Variants in GEMIN7 observed in about 807,000 individuals in gnomAD.
The protein encoded by GEMIN7 is gem nuclear organelle associated protein 7.
GEMIN7 carries 7 observed loss-of-function variants against 7.8 expected under a neutral mutation model. That is an observed-to-expected ratio of 0.90 (90% CI 0.51 to 1.69). The LOEUF (loss-of-function observed/expected upper bound fraction) is 1.69, where lower values mean the gene tolerates loss of function less well. Ranked by LOEUF, GEMIN7 falls within the 40% of genes most tolerant of loss-of-function variation. GEMIN7 has a pLI of 0.00. For missense variants in GEMIN7, 159 were observed against 176.2 expected (o/e 0.90, Z 0.55); for synonymous variants, 68 against 72.4 (o/e 0.94, Z 0.31).
At chr19:45,077,090 G>A (rs1967370107), upstream of GEMIN7, among the ~76,000 whole-genome samples, 1 of 152,184 alleles carries the variant, frequency 6.6e-6, no homozygotes, top group South Asian at 2.1e-4. Context: ...GCATGGTGGA[G>A]CTGAGGCTGG....
chr19:45,082,912 C>T (rs909450178), intron 2 of GEMIN7, among the ~76,000 whole-genome samples: 10 of 151,944 alleles, frequency 6.6e-5, no homozygotes, highest in Non-Finnish European at 1.3e-4. Context: ...TGAGCCACCG[C>T]ACCTGGCTAG....
Position 45,090,416 on chromosome 19 carries a change from A to G in GEMIN7, c.302A>G (p.Asn101Ser). The G allele has an allele frequency of 6.2e-7, 1 of 1,614,144 alleles. No individual in the cohort carries two copies. The part of the protein sequence containing the change: ...HFGATDLDVA[N>S]FYVSQLQTPI... ...GGAGCCACCGACCTGGATGTGGCCA[A>G]CTTCTACGTGTCACAGCTGCAGACT... Residue 101 changes from asparagine (N) to serine (S), a missense_variant, in exon 3 of 3, where the codon AAC (asparagine) becomes AGC (serine). Coordinates refer to ENST00000270257, the MANE Select transcript of GEMIN7 (RefSeq NM_024707.3).
Position 45,090,441 on chromosome 19 carries a change from T to G in GEMIN7, c.327T>G (p.Thr109=). 6.2e-7 allele frequency: 1 copy of G among 1,613,994 alleles called. No homozygotes were observed. The highest frequency in any genetic ancestry group is 2.2e-5 in the East Asian group (1 of 44,882). The part of the protein sequence containing the change: ...VANFYVSQLQ[T]PIGVQAEALL... ...ACTTCTACGTGTCACAGCTGCAGAC[T>G]CCCATAGGTGTGCAAGCAGAGGCGC... The change falls in exon 3 of 3, where the codon ACT becomes ACG. Residue 109 remains threonine, a synonymous_variant. Transcript: ENST00000270257.
chr19:45,084,974 T>A (rs1027208913), intron 2 of GEMIN7, among the ~76,000 whole-genome samples: 2 of 152,240 alleles, frequency 1.3e-5, no homozygotes, highest in African/African-American at 4.8e-5. Flanking sequence ...GGTCTCTCCA[T>A]GTTGGTCAGG....
intron 2 of GEMIN7, among the ~76,000 whole-genome samples, chr19:45,081,022 T>C (rs1967487361): frequency 6.6e-6 from 1 of 152,022 alleles, no homozygotes; most frequent in African/African-American, 2.4e-5. Flanking sequence ...AAAATGCAAG[T>C]AGGGCGTGTT....
upstream of GEMIN7, chr19:45,076,699 G>A (rs1312661394): frequency 1.6e-5 from 4 of 247,706 alleles, no homozygotes; most frequent in Non-Finnish European, 3.1e-5. The surrounding 1 kb of genome is among the most constrained non-coding windows in gnomAD (Gnocchi z 4.9). Context: ...GTTTTAGGGC[G>A]GGTGAAACTG....
At chr19:45,076,402 G>T, upstream of GEMIN7, 1 of 1,237,876 alleles carries the variant, frequency 8.1e-7, no homozygotes, top group Admixed American at 4.2e-5. The surrounding 1 kb of genome is among the most constrained non-coding windows in gnomAD (Gnocchi z 4.9). Flanking sequence ...GCGAGCGGGC[G>T]GGCAGGCAGG....
chr19:45,076,151 C>A (rs761425770), upstream of GEMIN7: 3 of 1,545,178 alleles, frequency 1.9e-6, no homozygotes, highest in Non-Finnish European at 1.7e-6. The surrounding 1 kb of genome is among the most constrained non-coding windows in gnomAD (Gnocchi z 4.9). Context: ...GCGGCCCCGG[C>A]GGGCATGGGG....
upstream of GEMIN7, chr19:45,076,314 G>T (rs773682753): frequency 7.0e-7 from 1 of 1,422,716 alleles, no homozygotes; most frequent in South Asian, 1.6e-5. This position sits in a 1 kb window ranked among gnomAD's most constrained non-coding sequence, Gnocchi z 4.9. Flanking sequence ...CGTCGTCTGG[G>T]TTGGCGGCGG....
In GEMIN7 at chr19:45,090,525, C is replaced by G. The variant is rs751327037; in HGVS notation, c.*15C>G. The stretch of plus-strand genomic sequence containing the variant: ...TCAAGCCATAAAGATATTGTGTTCA[C>G]TTTTCTGCTTGAGGCTAAGGCACTG... On this transcript the variant is annotated 3_prime_UTR_variant, in exon 3 of 3. Coordinates refer to ENST00000270257, the MANE Select transcript of GEMIN7 (RefSeq NM_024707.3). 3.8e-6 allele frequency: 6 copies of G among 1,592,556 alleles called. No homozygotes were observed. Among genetic ancestry groups the G allele is most frequent in the South Asian group, 1.1e-5 (1 of 89,408 alleles).
chr19:45,075,814 C>T (rs1027950105), upstream of GEMIN7: 6 of 1,613,938 alleles, frequency 3.7e-6, no homozygotes, highest in African/African-American at 1.3e-5. Flanking sequence ...CTGCAGGCAG[C>T]GGCCGCAGGT....
chr19:45,090,307 C>T lies in GEMIN7; in HGVS notation c.193C>T (p.Arg65Cys), dbSNP rs977717051. 1.9e-6 allele frequency: 3 copies of T among 1,614,170 alleles called. No homozygotes were observed. Among genetic ancestry groups the T allele is most frequent in the Non-Finnish European group, 2.5e-6 (3 of 1,180,036 alleles). ...GCGGGCACGAGCCGCCCTTCGGGAG[C>T]GTTACCTCCGCAGCCTGCTGGCCAT... ...EQRARAALRE[R>C]YLRSLLAMVG... is the part of the protein sequence containing the mutation. Residue 65 changes from arginine to cysteine, a missense_variant, in exon 3 of 3, where the codon CGT (arginine) becomes TGT (cysteine). Physicochemically the swap from Arg to Cys is radical, Grantham distance 180. Coordinates refer to ENST00000270257, the MANE Select transcript of GEMIN7 (RefSeq NM_024707.3).
At chr19:45,076,071 C>T (rs759262096), upstream of GEMIN7, 128 of 1,581,346 alleles carry the variant, frequency 8.1e-5, no homozygotes, top group Middle Eastern at 2.1e-4. This position sits in a 1 kb window ranked among gnomAD's most constrained non-coding sequence, Gnocchi z 4.9. Flanking sequence ...GCCCGGGGTG[C>T]TCACCGGGAT....
intron 2 of GEMIN7, 39 bp from the exon 3 acceptor site, chr19:45,090,068 C>T: frequency 6.4e-7 from 1 of 1,569,446 alleles, no homozygotes; most frequent in Non-Finnish European, 8.7e-7. Flanking sequence ...CCCATGCTTA[C>T]CATGTAATGA....
intron 2 of GEMIN7, among the ~76,000 whole-genome samples, chr19:45,087,778 C>T (rs75277113): frequency 0.011 from 1,707 of 151,834 alleles, 34 homozygotes; most frequent in African/African-American, 0.037. Flanking sequence ...GGGGTGCAGA[C>T]GGCGGGGGGT....
intron 2 of GEMIN7, among the ~76,000 whole-genome samples, chr19:45,086,857 GT>G (rs1046790965): frequency 7.9e-5 from 12 of 152,010 alleles, no homozygotes; most frequent in Non-Finnish European, 1.8e-4. Flanking sequence ...TTGTTTGTTT[GT>G]TTTTTTCGAG....
chr19:45,085,899 G>A (rs1454812096), intron 2 of GEMIN7, among the ~76,000 whole-genome samples: 3 of 120,998 alleles, frequency 2.5e-5, no homozygotes, highest in Non-Finnish European at 4.9e-5. Context: ...ACGGAGTCTC[G>A]CTCTGTCGCC....
chr19:45,082,736 G>A (rs1045245146), intron 2 of GEMIN7, among the ~76,000 whole-genome samples: 3 of 151,336 alleles, frequency 2.0e-5, no homozygotes, highest in African/African-American at 7.3e-5. Flanking sequence ...CCCTCACCTC[G>A]GTCTCCTTAG....
chr19:45,082,673 C>T (rs1197533246), intron 2 of GEMIN7, among the ~76,000 whole-genome samples: 1 of 151,924 alleles, frequency 6.6e-6, no homozygotes, highest in Non-Finnish European at 1.5e-5. Flanking sequence ...GGCTGGAGTA[C>T]AGTGGCACAG....
Sources: gnomAD v4.1 joint callset for allele counts (sites outside exome capture counted in the v4.1 genomes callset) on GRCh38, gnomAD v4.1.1 for gene constraint, Gnocchi (gnomAD v3.1) non-coding constraint, MANE v1.5 for transcripts, NCBI Gene and HGNC (gene_info 2026-07-23, HGNC 2026-07-21) for gene names.